ARHGAP25: variants seen among roughly 807,000 people sequenced by gnomAD.
ARHGAP25 encodes rho GTPase-activating protein 25.
In ARHGAP25, 34 loss-of-function variants were observed where a neutral mutation model predicts 71.0. That is an observed-to-expected ratio of 0.48 (90% confidence interval 0.36 to 0.64). The LOEUF (loss-of-function observed/expected upper bound fraction) is 0.64. Among genes scored for constraint, ARHGAP25 ranks in the 30% least tolerant of loss-of-function variants. ARHGAP25 has a pLI of 0.00. For synonymous variants in ARHGAP25, 282 were observed against 296.5 expected (o/e 0.95, Z 0.50); for missense variants, 706 against 805.1 (o/e 0.88, Z 1.49).
chr2:68,791,269 T>C (rs1271664264), intron 4 of ARHGAP25, among the ~76,000 whole-genome samples: 2 of 152,246 alleles, frequency 1.3e-5, no homozygotes, highest in Non-Finnish European at 2.9e-5. Context: ...AGCTTCAATC[T>C]ACTTGGCAGG....
chr2:68,774,988 C>T (rs780733097), intron 1 of ARHGAP25: 5 of 1,439,802 alleles, frequency 3.5e-6, no homozygotes, highest in South Asian at 2.9e-5. Context: ...ACGGGGCCAC[C>T]GACTGCAGCC....
intron 1 of ARHGAP25, among the ~76,000 whole-genome samples, chr2:68,741,460 T>C (rs1675518875): frequency 6.6e-6 from 1 of 152,228 alleles, no homozygotes; most frequent in Non-Finnish European, 1.5e-5. Flanking sequence ...AGAGCTAAAT[T>C]TGAAGCTGAG....
chr2:68,742,498 ATG>A (rs1324684445), intron 1 of ARHGAP25, among the ~76,000 whole-genome samples: 1 of 152,198 alleles, frequency 6.6e-6, no homozygotes, highest in African/African-American at 2.4e-5. Context: ...CAACTGTAAA[ATG>A]AGTGCAATCC....
At chr2:68,773,024 A>C (rs1677587215) in intron 1 of ARHGAP25, among the ~76,000 whole-genome samples, 1 of 152,202 alleles carries the variant, frequency 6.6e-6, no homozygotes, top group Non-Finnish European at 1.5e-5. Flanking sequence ...GTATGACCTC[A>C]CCAGGTCCCT....
At chr2:68,729,494 C>G (rs1486715760) in intron 2 of ARHGAP25, among the ~76,000 whole-genome samples, 1 of 152,172 alleles carries the variant, frequency 6.6e-6, no homozygotes, top group Non-Finnish European at 1.5e-5. Context: ...CAAAATCACT[C>G]AGACACATCG....
chr2:68,812,396 C>T (rs1680892700), intron 5 of ARHGAP25, among the ~76,000 whole-genome samples: 1 of 152,212 alleles, frequency 6.6e-6, no homozygotes, highest in Non-Finnish European at 1.5e-5. Context: ...AATGGAGAAG[C>T]TGAACTGAAC....
chr2:68,724,139 A>G (rs542499231), intron 2 of ARHGAP25, among the ~76,000 whole-genome samples: 13 of 152,070 alleles, frequency 8.5e-5, no homozygotes, highest in Non-Finnish European at 1.6e-4. Context: ...TGCAGCTGAG[A>G]AGGACCGTCA....
intron 4 of ARHGAP25, 55 bp downstream of exon 4, chr2:68,788,011 G>A: frequency 7.2e-7 from 1 of 1,388,294 alleles, no homozygotes; most frequent in Non-Finnish European, 1.0e-6. Flanking sequence ...TCAGAAAGTA[G>A]GAAGTAGCTC....
In ARHGAP25 at chr2:68,822,633, A is replaced by G. The variant is rs138790591; in HGVS notation, c.1494A>G (p.Gln498=). 3.3e-4 allele frequency: 527 copies of G among 1,614,108 alleles called. 2 individuals carry two copies. The East Asian group carries it at 0.01, about 32-fold the overall frequency. The part of the protein sequence containing the change: ...SQDLRQLSDS[Q]RTSTYDNVPS... ...ACTTGCGCCAACTTTCTGACTCCCA[A>G]CGGACTTCCACCTACGATAACGTCC... Residue 498 remains glutamine (Q), a synonymous_variant, in exon 10 of 11, where the codon CAA becomes CAG. Transcript: ENST00000409202.
In ARHGAP25 at chr2:68,825,990, T is replaced by G. The variant is rs2103751541; in HGVS notation, c.1737T>G (p.Leu579=). 1 of 1,610,920 alleles carries G rather than the reference T, an allele frequency of 6.2e-7. No individual in the cohort carries two copies. The highest frequency in any genetic ancestry group is 2.2e-5 in the East Asian group (1 of 44,862). Residue 579 remains leucine, a synonymous_variant, in exon 11 of 11, where the codon CTT becomes CTG. Transcript: ENST00000409202. Reference sequence around the variant, plus strand: ...TCTTTTCTTTCCTTCCTTGTAGCCTTGAGAAGGAAAATTATGACGTTTGGG... The same window carrying G: ...TCTTTTCTTTCCTTCCTTGTAGCCTGGAGAAGGAAAATTATGACGTTTGGG... ...KQMYEEQIKN[L]EKENYDVWAK... is the part of the protein sequence containing the mutation.
chr2:68,770,554 T>A (rs560716739), intron 1 of ARHGAP25, among the ~76,000 whole-genome samples: 1 of 152,286 alleles, frequency 6.6e-6, no homozygotes, highest in South Asian at 2.1e-4. Flanking sequence ...TCAGCTGACT[T>A]CTCTGTTCGT....
At chr2:68,825,636 A>G (rs1292635812) in intron 10 of ARHGAP25, among the ~76,000 whole-genome samples, 1 of 152,060 alleles carries the variant, frequency 6.6e-6, no homozygotes, top group Non-Finnish European at 1.5e-5. Flanking sequence ...TTAGCTGGGT[A>G]TGGTGGCGGG....
At chr2:68,803,359 A>T (rs1443776333) in intron 4 of ARHGAP25, among the ~76,000 whole-genome samples, 1 of 152,254 alleles carries the variant, frequency 6.6e-6, no homozygotes, top group Non-Finnish European at 1.5e-5. Flanking sequence ...TTAGGAGAGC[A>T]CTAGAAATCT....
intron 1 of ARHGAP25, among the ~76,000 whole-genome samples, chr2:68,744,170 C>T (rs763647616): frequency 1.3e-5 from 2 of 152,128 alleles, no homozygotes; most frequent in Admixed American, 1.3e-4. Flanking sequence ...TTGCAAGGTA[C>T]TTCTTTCTAA....
chr2:68,733,082 T>C (rs1195510413), upstream of ARHGAP25, among the ~76,000 whole-genome samples: 2 of 152,202 alleles, frequency 1.3e-5, no homozygotes, highest in East Asian at 3.9e-4. Flanking sequence ...AGTCGAGTCT[T>C]GGTTTCCTTC....
At chr2:68,727,552 TC>T (rs928678753) in intron 2 of ARHGAP25, among the ~76,000 whole-genome samples, 5 of 152,002 alleles carry the variant, frequency 3.3e-5, no homozygotes, top group Non-Finnish European at 7.4e-5. Flanking sequence ...CAGAGAAACC[TC>T]CCCCGGCTTT....
chr2:68,719,520 A>G (rs1674701752), intron 2 of ARHGAP25, among the ~76,000 whole-genome samples: 1 of 152,124 alleles, frequency 6.6e-6, no homozygotes. Flanking sequence ...AAGTGTTGAA[A>G]ATGTAGAGGA....
rs139197454 is a variant in ARHGAP25 at position 68,750,448 on chromosome 2, A to G, written c.61+15188A>G. Among the ~76,000 whole-genome samples the G allele has an allele frequency of 8.9e-3, 1,356 of 151,516 alleles. 20 individuals carry two copies. The highest frequency in any genetic ancestry group is 0.031 in the African/African-American group (1,288 of 41,268). ...AGCGATTCTCCTGCTTCAGCCTCCC[A>G]AGTAGCTGGGACTACAGGCACCTGT... On this transcript the variant is annotated intron_variant, in intron 1 of 10. Transcript: ENST00000409202.
chr2:68,712,394 T>G (rs4854497), intron 2 of ARHGAP25, among the ~76,000 whole-genome samples: 35,747 of 152,144 alleles, frequency 0.23, 4,455 homozygotes, highest in East Asian at 0.37. Flanking sequence ...GTTTCTTGTA[T>G]ATTTTGGATA....
Sources: gnomAD v4.1 joint callset for allele counts (sites outside exome capture counted in the v4.1 genomes callset) on GRCh38, gnomAD v4.1.1 for gene constraint, MANE v1.5 for transcripts, NCBI Gene and HGNC (gene_info 2026-07-23, HGNC 2026-07-21) for gene names.